Variants in GAK observed in about 807,000 individuals in gnomAD.
The protein encoded by GAK is cyclin G associated kinase.
A neutral mutation model predicts 143.9 loss-of-function variants in GAK; 79 were observed. The observed-to-expected ratio is 0.55, with a 90% confidence interval of 0.46 to 0.66. The LOEUF (loss-of-function observed/expected upper bound fraction) is 0.66, where lower values mean the gene tolerates loss of function less well. Ranked by LOEUF, GAK falls within the 30% of genes least tolerant of loss-of-function variation. GAK has a pLI of 0.00. For synonymous variants in GAK, 881 were observed against 765.5 expected, an observed-to-expected ratio of 1.15 and a Z score of -2.49; for missense variants, 1,693 against 1,779.7, an observed-to-expected ratio of 0.95 and a Z score of 0.88.
chr4:887,262 C>G (rs547799305), intron 11 of GAK: 3 of 148,706 alleles, frequency 2.0e-5, no homozygotes, highest in African/African-American at 7.4e-5. Flanking sequence ...ACGCGGCTCA[C>G]GCGCACTCAC....
chr4:879,687 A>G (rs562090950), intron 15 of GAK, among the ~76,000 whole-genome samples: 3 of 152,068 alleles, frequency 2.0e-5, no homozygotes, highest in South Asian at 2.1e-4. Flanking sequence ...GTGACCTCTG[A>G]GCTTCTTGAA....
At chr4:891,142 G>A (rs746800230) in intron 9 of GAK, among the ~76,000 whole-genome samples, 3 of 152,090 alleles carry the variant, frequency 2.0e-5, no homozygotes, top group Non-Finnish European at 4.4e-5. Flanking sequence ...TTGTATTTTA[G>A]TAGAGATGGG....
At position 869,748 on chromosome 4, in the gene GAK, T is replaced by G. The variant is rs62637098; in HGVS notation, c.2248+963A>C. On this transcript the variant is annotated intron_variant, in intron 19 of 27. Transcript: ENST00000314167. The stretch of plus-strand genomic sequence containing the variant: ...GCACAGTACACATGAATGCACACAG[T>G]ACACACAGATGCACAGTACACACGA... 4 of 26,392 alleles carry G rather than the reference T, an allele frequency of 1.5e-4. 1 individual carries two copies. Among genetic ancestry groups the G allele is most frequent in the Admixed American group, 1.4e-3 (4 of 2,928 alleles). 1.6% of individuals were successfully genotyped at this position (26,392 alleles called of 1,614,324 possible). A position where few individuals can be genotyped will look rare whatever the true frequency, so the allele number is the denominator to read the frequency against.
chr4:881,032 TCTC>T (rs901138642), intron 15 of GAK, among the ~76,000 whole-genome samples: 1 of 152,002 alleles, frequency 6.6e-6, no homozygotes, highest in African/African-American at 2.4e-5. Context: ...GCGGCAATGA[TCTC>T]CTCCCCCCAA....
intron 24 of GAK, among the ~76,000 whole-genome samples, chr4:858,642 C>A (rs1192531546): frequency 6.6e-6 from 1 of 152,212 alleles, no homozygotes; most frequent in Non-Finnish European, 1.5e-5. Flanking sequence ...AAAGAACATT[C>A]AAAGACGAAA....
chr4:921,619 G>C (rs1189033637), intron 1 of GAK, among the ~76,000 whole-genome samples: 1 of 151,528 alleles, frequency 6.6e-6, no homozygotes, highest in African/African-American at 2.4e-5. Flanking sequence ...GGCGTGATTC[G>C]TAAAAGGAAA....
At position 890,527 on chromosome 4, in the gene GAK, C is replaced by T. The variant is rs1251533783; in HGVS notation, c.1081+5G>A. Reference sequence around the variant, plus strand: ...CAGGTGGCGGGCACAGGACAGGGCACTCACCTCCACTGTAGCCACTGCCAG... The same window carrying T: ...CAGGTGGCGGGCACAGGACAGGGCATTCACCTCCACTGTAGCCACTGCCAG... On this transcript the variant is annotated splice_donor_5th_base_variant and intron_variant, in intron 10 of 27. Transcript: ENST00000314167. 1.2e-6 allele frequency: 2 copies of T among 1,601,676 alleles called. No homozygotes were observed. The highest frequency in any genetic ancestry group is 1.1e-5 in the South Asian group (1 of 89,740).
At chr4:862,087 T>C (rs1750383750) in intron 23 of GAK, among the ~76,000 whole-genome samples, 1 of 151,628 alleles carries the variant, frequency 6.6e-6, no homozygotes, top group African/African-American at 2.4e-5. Context: ...CCCGCCAGAC[T>C]CTCCATGCAG....
At chr4:852,256 C>T in intron 24 of GAK, 2 of 536,124 alleles carry the variant, frequency 3.7e-6, no homozygotes, top group Non-Finnish European at 6.7e-6. Context: ...GGAGCCAAGG[C>T]AGACCCAGGG....
intron 5 of GAK, among the ~76,000 whole-genome samples, chr4:903,130 G>A (rs1392873919): frequency 1.3e-5 from 2 of 152,176 alleles, no homozygotes. Flanking sequence ...CCCAGCCCCG[G>A]CCCAGAACCA....
intron 7 of GAK, chr4:894,971 T>G (rs953135292): frequency 7.1e-6 from 1 of 140,920 alleles, no homozygotes; most frequent in Non-Finnish European, 1.5e-5. Context: ...AAAGCGAGAC[T>G]CTGTCTCAAA....
In GAK at chr4:867,283, G is replaced by T. The variant is rs950804522; in HGVS notation, c.2545C>A (p.Pro849Thr). Reference protein sequence around the residue: ...EGQEPRADPEPPGLAAGLVQQ... With the variant: ...EGQEPRADPETPGLAAGLVQQ... ...ACCAGCCCTGCTGCCAGGCCGGGGG[G>T]CTCTGGGTCGGCCCTGGGTTCCTGG... The change falls in exon 21 of 28, where the codon CCC becomes ACC. Residue 849 changes from proline to threonine, a missense_variant. Physicochemically the swap from Pro to Thr is conservative, Grantham distance 38. Around this residue, in one of 2 missense-constraint regions of GAK, gnomAD observed 822 missense variants for 788.7 expected, o/e 1.04. Coordinates refer to ENST00000314167, the MANE Select transcript of GAK (RefSeq NM_005255.4). 1.2e-6 allele frequency: 2 copies of T among 1,612,976 alleles called. No homozygotes were observed. The highest frequency in any genetic ancestry group is 1.1e-5 in the South Asian group (1 of 90,852).
At position 898,583 on chromosome 4, in the gene GAK, C is replaced by T. The variant is rs549952394; in HGVS notation, c.526-425G>A. On this transcript the variant is annotated intron_variant, in intron 5 of 27. Coordinates refer to ENST00000314167, the MANE Select transcript of GAK (RefSeq NM_005255.4). Reference sequence around the variant, plus strand: ...CCAGTTAATAATGGGGCTCACAGGCCGGGCGTGGTGGCTCACGCCTGTAAT... The same window carrying T: ...CCAGTTAATAATGGGGCTCACAGGCTGGGCGTGGTGGCTCACGCCTGTAAT... Among the ~76,000 whole-genome samples the T allele has an allele frequency of 7.2e-5, 11 of 152,304 alleles. 1 individual carries two copies. In the South Asian group the frequency reaches 1.9e-3, roughly 26 times the overall value.
chr4:850,724 C>G (rs544773314), intron 26 of GAK: 1 of 394,558 alleles, frequency 2.5e-6, no homozygotes, highest in East Asian at 4.3e-5. Context: ...CCCTGCCCCC[C>G]TGGCCTCAGG....
intron 18 of GAK, among the ~76,000 whole-genome samples, chr4:873,704 C>T (rs1472027534): frequency 1.3e-5 from 2 of 152,210 alleles, no homozygotes; most frequent in Non-Finnish European, 2.9e-5. Flanking sequence ...GTGACACCAG[C>T]CTTCTTCCTG....
At chr4:918,029 T>C (rs1723341750) in intron 1 of GAK, among the ~76,000 whole-genome samples, 1 of 152,052 alleles carries the variant, frequency 6.6e-6, no homozygotes, top group Non-Finnish European at 1.5e-5. Context: ...CAAAGAAGGG[T>C]ATAAATACCA....
chr4:863,668 A>G (rs540647333), intron 23 of GAK, among the ~76,000 whole-genome samples: 30 of 152,324 alleles, frequency 2.0e-4, no homozygotes, highest in Non-Finnish European at 3.5e-4. Flanking sequence ...ATTTTTTAGC[A>G]ATGAAGTATT....
intron 1 of GAK, chr4:915,487 A>G (rs935741543): frequency 2.0e-5 from 3 of 152,980 alleles, no homozygotes; most frequent in Non-Finnish European, 4.4e-5. Context: ...GACATAAAAG[A>G]GAATACACAC....
At position 912,098 on chromosome 4, in the gene GAK, C is replaced by T. The variant is rs542290574; in HGVS notation, c.268-311G>A. The T allele has an allele frequency of 1.4e-4, 66 of 468,142 alleles. No individual in the cohort carries two copies. In the East Asian group the frequency reaches 3.5e-3, roughly 25 times the overall value. The allele number at this position is 468,142 out of a possible 1,614,324, so 29.0% of individuals were successfully genotyped here. A position where few individuals can be genotyped will look rare whatever the true frequency, so the allele number is the denominator to read the frequency against. ...GAGGCAGGGCCCTCAGGGGGCTGTG[C>T]GCAGGGAGGCTGCGGCGTGGCTGTG... On this transcript the variant is annotated intron_variant, in intron 3 of 27. Transcript: ENST00000314167.
Sources: allele counts gnomAD v4.1 joint callset (sites outside exome capture counted in the v4.1 genomes callset), GRCh38; gene constraint gnomAD v4.1.1; regional missense constraint gnomAD v4.1.1; transcripts MANE v1.5; gene names NCBI Gene and HGNC (gene_info 2026-07-23, HGNC 2026-07-21).